COL22A1: variants seen among roughly 807,000 people sequenced by gnomAD.
COL22A1 encodes the protein collagen alpha-1(XXII) chain.
A neutral mutation model predicts 248.9 loss-of-function variants in COL22A1; 221 were observed. That is an observed-to-expected ratio of 0.89 (90% confidence interval 0.80 to 0.99). The LOEUF (loss-of-function observed/expected upper bound fraction) is 0.99, where lower values mean the gene tolerates loss of function less well. COL22A1 is among the 50% of genes least tolerant of loss of function. The pLI is 0.00. For synonymous variants in COL22A1, 891 were observed against 793.4 expected, an observed-to-expected ratio of 1.12 and a Z score of -2.07; for missense variants, 2,240 against 2,179.0, an observed-to-expected ratio of 1.03 and a Z score of -0.56.
chr8:138,606,564 C>T, intron 57 of COL22A1, 112 bp from the exon 58 acceptor site: 1 of 1,019,630 alleles, frequency 9.8e-7, no homozygotes, highest in South Asian at 1.4e-5. Flanking sequence ...CCACACAACA[C>T]ACAAATCCTC....
At position 138,755,284 on chromosome 8, in the gene COL22A1, C is replaced by A. The variant is rs538228266; in HGVS notation, c.1978-74G>T. 93 of 1,464,096 alleles carry A rather than the reference C, an allele frequency of 6.4e-5. 2 individuals are homozygous for A. In the South Asian group the frequency reaches 9.4e-4, roughly 15 times the overall value. The allele number at this position is 1,464,096 out of a possible 1,614,324, so 90.7% of individuals were successfully genotyped here. On this transcript the variant is annotated intron_variant, in intron 20 of 64. Transcript: ENST00000303045. Reference sequence around the variant, plus strand: ...TGATCAGGCCCACCATCACCCATGGCCCTCTCCTGACTCAAAGTTTACTTT... The same window carrying A: ...TGATCAGGCCCACCATCACCCATGGACCTCTCCTGACTCAAAGTTTACTTT...
chr8:138,624,603 T>A (rs557184868), intron 51 of COL22A1, among the ~76,000 whole-genome samples: 1 of 152,250 alleles, frequency 6.6e-6, no homozygotes, highest in African/African-American at 2.4e-5. Flanking sequence ...AAAATCCAAA[T>A]TGAAATTTCT....
Position 138,855,454 on chromosome 8 carries a change from G to C in COL22A1, c.659-11296C>G, listed in dbSNP as rs1023312644. Among the ~76,000 whole-genome samples the C allele has an allele frequency of 2.4e-4, 36 of 152,314 alleles. No homozygotes were observed. In the East Asian group the frequency reaches 3.5e-3, roughly 15 times the overall value. ...CTCCTTGCTGCTGCCTGCTAGGCCG[G>C]GGGAGAGCAGGCTCGGCTCCTCATT... On this transcript the variant is annotated intron_variant, in intron 3 of 64. Coordinates refer to ENST00000303045, the MANE Select transcript of COL22A1 (RefSeq NM_152888.3).
chr8:138,638,053 GTCA>G (rs1470246889), intron 47 of COL22A1, among the ~76,000 whole-genome samples: 1 of 151,582 alleles, frequency 6.6e-6, no homozygotes, highest in Non-Finnish European at 1.5e-5. Context: ...CATCATCATT[GTCA>G]TCATTATTGC....
intron 47 of COL22A1, among the ~76,000 whole-genome samples, chr8:138,643,651 C>CAGAT (rs66644208): frequency 0.78 from 114,336 of 146,532 alleles, 45,346 homozygotes; most frequent in Non-Finnish European, 0.88. Flanking sequence ...GATAGATAGA[C>CAGAT]AGATAGATAG....
chr8:138,745,163 A>G (rs1832005497), intron 22 of COL22A1, among the ~76,000 whole-genome samples: 1 of 151,604 alleles, frequency 6.6e-6, no homozygotes, highest in Admixed American at 6.6e-5. Flanking sequence ...ATGTGTCACA[A>G]TATACAATTT....
At chr8:138,609,499 C>A (rs757479285) in intron 56 of COL22A1, among the ~76,000 whole-genome samples, 1 of 152,154 alleles carries the variant, frequency 6.6e-6, no homozygotes, top group Non-Finnish European at 1.5e-5. Flanking sequence ...TGCCAGGGAT[C>A]GCTGAGCTAG....
intron 5 of COL22A1, among the ~76,000 whole-genome samples, chr8:138,831,027 T>G (rs1820006228): frequency 6.6e-6 from 1 of 152,180 alleles, no homozygotes; most frequent in South Asian, 2.1e-4. Flanking sequence ...GATTATTGTC[T>G]TTGTTTCATG....
At chr8:138,653,665 C>A (rs2130596457) in intron 45 of COL22A1, among the ~76,000 whole-genome samples, 1 of 152,294 alleles carries the variant, frequency 6.6e-6, no homozygotes, top group Non-Finnish European at 1.5e-5. Context: ...ACTACCCAGT[C>A]AGTTCTCCAA....
At chr8:138,849,317 T>C (rs1418496074) in intron 3 of COL22A1, among the ~76,000 whole-genome samples, 1 of 152,222 alleles carries the variant, frequency 6.6e-6, no homozygotes, top group Non-Finnish European at 1.5e-5. Context: ...TGGCTTGCTG[T>C]GCACCAGACG....
rs541057136 is a variant in COL22A1 at position 138,685,380 on chromosome 8, A to G, written c.2863-68T>C. On this transcript the variant is annotated intron_variant, in intron 37 of 64. Transcript: ENST00000303045. ...GCACGAAGCTTTTCTATGGGGGAGCAGCTTGAGTAGGTTTGTAGGTTTCCT... is the reference window on the plus strand; with the variant it reads ...GCACGAAGCTTTTCTATGGGGGAGCGGCTTGAGTAGGTTTGTAGGTTTCCT... 3.1e-6 allele frequency: 4 copies of G among 1,307,030 alleles called. No homozygotes were observed. In the Admixed American group the frequency reaches 7.7e-5, roughly 25 times the overall value. 81.0% of individuals were successfully genotyped at this position (1,307,030 alleles called of 1,614,324 possible).
chr8:138,810,367 G>A (rs567415898), intron 9 of COL22A1, among the ~76,000 whole-genome samples: 61 of 152,320 alleles, frequency 4.0e-4, no homozygotes, highest in Middle Eastern at 3.4e-3. Context: ...GGATTCCAGC[G>A]GATTTGGGTT....
At chr8:138,721,750 T>G (rs1829884908) in intron 26 of COL22A1, among the ~76,000 whole-genome samples, 1 of 152,184 alleles carries the variant, frequency 6.6e-6, no homozygotes, top group African/African-American at 2.4e-5. Flanking sequence ...CCCACCCCCA[T>G]GCCAGGCTAA....
intron 4 of COL22A1, among the ~76,000 whole-genome samples, chr8:138,843,192 C>T (rs1718731099): frequency 6.6e-6 from 1 of 152,158 alleles, no homozygotes. Flanking sequence ...AAAAATCCCC[C>T]AGGCACAAGA....
At chr8:138,698,048 T>C (rs1002805947) in intron 32 of COL22A1, among the ~76,000 whole-genome samples, 2 of 152,226 alleles carry the variant, frequency 1.3e-5, no homozygotes, top group East Asian at 3.9e-4. Context: ...CCCAGTGGAA[T>C]GCTCTGGAAG....
At chr8:138,606,778 G>A (rs1818459769) in intron 57 of COL22A1, among the ~76,000 whole-genome samples, 1 of 152,182 alleles carries the variant, frequency 6.6e-6, no homozygotes, top group South Asian at 2.1e-4. Context: ...TAGTGAGATG[G>A]CATACCACTG....
intron 23 of COL22A1, among the ~76,000 whole-genome samples, chr8:138,736,879 A>G (rs1034843404): frequency 6.6e-6 from 1 of 152,140 alleles, no homozygotes; most frequent in African/African-American, 2.4e-5. Context: ...CAGGGGAAGG[A>G]CTTGGCCAAT....
In COL22A1 at chr8:138,619,522, A is replaced by C. The variant is rs1248476482; in HGVS notation, c.3772-14T>G. The stretch of plus-strand genomic sequence containing the variant: ...TCCTGCTTTGCCCTGAGAGTAAGGA[A>C]GAAAAGAAGAGTTTGAGGACAACAT... On this transcript the variant is annotated splice_polypyrimidine_tract_variant and intron_variant, in intron 52 of 64. Transcript: ENST00000303045. The C allele has an allele frequency of 6.2e-7, 1 of 1,613,220 alleles. No homozygotes were observed.
At chr8:138,836,660 G>A (rs1162686207) in intron 4 of COL22A1, among the ~76,000 whole-genome samples, 6 of 152,144 alleles carry the variant, frequency 3.9e-5, no homozygotes, top group Non-Finnish European at 8.8e-5. Context: ...CTTTCTATCA[G>A]TCTCATCTGT....
Sources: gnomAD v4.1 joint callset for allele counts (sites outside exome capture counted in the v4.1 genomes callset) on GRCh38, gnomAD v4.1.1 for gene constraint, MANE v1.5 for transcripts, NCBI Gene and HGNC (gene_info 2026-07-23, HGNC 2026-07-21) for gene names.